COG1: variants seen among roughly 807,000 people sequenced by gnomAD.
COG1 encodes the protein conserved oligomeric Golgi complex subunit 1.
COG1 carries 61 observed loss-of-function variants against 102.2 expected under a neutral mutation model. That is an observed-to-expected ratio of 0.60 (90% CI 0.49 to 0.74). The LOEUF (loss-of-function observed/expected upper bound fraction) is 0.74, where lower values mean the gene tolerates loss of function less well. Ranked by LOEUF, COG1 falls within the 30% of genes least tolerant of loss-of-function variation. The probability of loss-of-function intolerance (pLI) is 0.00; values close to 1 mark genes in which losing one functional copy is unlikely to be tolerated. For missense variants in COG1, 1,164 were observed against 1,232.1 expected, an observed-to-expected ratio of 0.94 and a Z score of 0.83; for synonymous variants, 454 against 493.6, an observed-to-expected ratio of 0.92 and a Z score of 1.06.
intron 4 of COG1, among the ~76,000 whole-genome samples, 195 bp from the exon 5 acceptor site, chr17:73,199,670 G>C (rs2061339053): frequency 1.3e-5 from 2 of 152,082 alleles, no homozygotes; most frequent in African/African-American, 4.8e-5. Flanking sequence ...GACCTCCTGG[G>C]CTCAAATGAT....
chr17:73,197,258 G>T lies in COG1; in HGVS notation c.775G>T (p.Val259Leu), dbSNP rs139304974. The T allele has an allele frequency of 7.1e-4, 1,154 of 1,614,224 alleles. 6 individuals are homozygous for T. In the African/African-American group the frequency reaches 0.014, roughly 20 times the overall value. Residue 259 changes from valine to leucine, a missense_variant, in exon 4 of 14, where the codon GTG becomes TTG. Coordinates refer to ENST00000299886, the MANE Select transcript of COG1 (RefSeq NM_018714.3). ...AGIKAQICSL[V>L]ELLATTLKQA... ...TATCAAGGCTCAGATTTGCTCATTA[G>T]TGGAGTTGCTGGCCACCACTCTGAA...
intron 1 of COG1, 137 bp downstream of exon 1, chr17:73,193,521 C>G: frequency 1.2e-6 from 1 of 813,448 alleles, no homozygotes; most frequent in East Asian, 3.2e-5. Context: ...CTATCCGCCC[C>G]TCACCCTTTG....
intron 4 of COG1, 91 bp downstream of exon 4, chr17:73,197,487 TG>T (rs554803395): frequency 1.1e-5 from 15 of 1,418,956 alleles, no homozygotes; most frequent in Middle Eastern, 3.5e-4. Flanking sequence ...TGCTAGGCTC[TG>T]GGGATGGAGC....
At chr17:73,196,199 T>C (rs562641186) in intron 1 of COG1, among the ~76,000 whole-genome samples, 4 of 152,158 alleles carry the variant, frequency 2.6e-5, no homozygotes, top group Non-Finnish European at 5.9e-5. Context: ...ATTTGTGTCT[T>C]GCCCACATCT....
In COG1 at chr17:73,200,678, A is replaced by C. The variant is rs202127829; in HGVS notation, c.1183A>C (p.Thr395Pro). The C allele has an allele frequency of 5.4e-5, 87 of 1,614,090 alleles. No homozygotes were observed. Among genetic ancestry groups the C allele is most frequent in the Non-Finnish European group, 7.2e-5 (85 of 1,180,020 alleles). ...GTGGGAGTTACTTACCAATGAGTCC[A>C]CCAATCACAGCTGGGATGTGCTATG... Reference protein sequence around the residue: ...AMWELLTNESTNHSWDVLCRR... With the variant: ...AMWELLTNESPNHSWDVLCRR... Residue 395 changes from threonine to proline, a missense_variant, in exon 6 of 14, where the codon ACC (threonine) becomes CCC (proline). Thr to Pro is a conservative substitution (Grantham distance 38, BLOSUM62 -1). Transcript: ENST00000299886.
intron 11 of COG1, among the ~76,000 whole-genome samples, chr17:73,206,493 C>CCAGGCCT (rs1423574381): frequency 6.6e-6 from 1 of 152,120 alleles, no homozygotes; most frequent in African/African-American, 2.4e-5. Flanking sequence ...ACAGTTTTAT[C>CCAGGCCT]CAGGCCTCAG....
At chr17:73,193,793 ATT>A (rs928818431) in intron 1 of COG1, among the ~76,000 whole-genome samples, 4 of 152,036 alleles carry the variant, frequency 2.6e-5, no homozygotes, top group South Asian at 4.1e-4. Flanking sequence ...ACTCCAAGTC[ATT>A]TCTTCCTCAT....
rs777073858 is a variant in COG1 at position 73,208,398 on chromosome 17, A to G, written c.2890A>G (p.Thr964Ala). 9.0e-5 allele frequency: 145 copies of G among 1,614,128 alleles called. No homozygotes were observed. Among genetic ancestry groups the G allele is most frequent in the Non-Finnish European group, 1.2e-4 (137 of 1,180,052 alleles). The change falls in exon 14 of 14, where the codon ACG becomes GCG. Residue 964 changes from threonine (T) to alanine (A), a missense_variant. Transcript: ENST00000299886. ...FRQLVSEEDNTSAPSLFKLGW... is the reference protein window; with the variant it reads ...FRQLVSEEDNASAPSLFKLGW... Reference sequence around the variant, plus strand: ...ACAGCTTGTCAGTGAAGAAGACAACACGTCTGCACCTTCATTATTCAAACT... The same window carrying G: ...ACAGCTTGTCAGTGAAGAAGACAACGCGTCTGCACCTTCATTATTCAAACT...
In COG1 at chr17:73,201,647, A is replaced by G. The variant is rs926229206; in HGVS notation, c.1820A>G (p.Lys607Arg). 3.7e-6 allele frequency: 6 copies of G among 1,614,122 alleles called. No homozygotes were observed. Among genetic ancestry groups the G allele is most frequent in the East Asian group, 4.5e-5 (2 of 44,888 alleles). ...QGQQDALNSA[K>R]LHSVLFMARL... ...CAACAGGATGCCCTCAACAGTGCCA[A>G]GCTGCACTCAGTTCTTTTCATGGCC... is the stretch of plus-strand genomic sequence containing the variant. Residue 607 changes from lysine to arginine, a missense_variant, in exon 7 of 14, where the codon AAG (lysine) becomes AGG (arginine). Physicochemically the swap from Lys to Arg is conservative, Grantham distance 26. Transcript: ENST00000299886.
chr17:73,197,110 T>C, intron 3 of COG1, 29 bp downstream of exon 3: 1 of 1,613,942 alleles, frequency 6.2e-7, no homozygotes, highest in Non-Finnish European at 8.5e-7. Context: ...CAACATTTGG[T>C]CCTTAAATAT....
chr17:73,198,896 C>T (rs561947415), intron 4 of COG1, among the ~76,000 whole-genome samples: 21 of 152,310 alleles, frequency 1.4e-4, no homozygotes, highest in South Asian at 4.1e-4. Flanking sequence ...GTGGTGGCCA[C>T]GTGGCTGTTT....
In COG1 at chr17:73,196,988, C is replaced by T; in HGVS notation, c.649C>T (p.Leu217Phe). 2 of 1,614,220 alleles carry T rather than the reference C, an allele frequency of 1.2e-6. No homozygotes were observed. Among genetic ancestry groups the T allele is most frequent in the Non-Finnish European group, 1.7e-6 (2 of 1,180,046 alleles). ...GGCCGAGGCCCTGTGCTCTATAATG[C>T]TCTTAGAAGAGAGTTCTCCTCGCCA... Reference protein sequence around the residue: ...AVAEALCSIMLLEESSPRQAL... With the variant: ...AVAEALCSIMFLEESSPRQAL... Residue 217 changes from leucine to phenylalanine, a missense_variant, in exon 3 of 14, where the codon CTC becomes TTC. Coordinates refer to ENST00000299886, the MANE Select transcript of COG1 (RefSeq NM_018714.3).
chr17:73,201,940 C>T (rs1299247692), intron 7 of COG1, 40 bp downstream of exon 7: 1 of 1,580,476 alleles, frequency 6.3e-7, no homozygotes, highest in South Asian at 1.1e-5. Context: ...TGTCTCACTT[C>T]TGTCATATTC....
chr17:73,195,769 C>G (rs2061322892), intron 1 of COG1, among the ~76,000 whole-genome samples: 1 of 152,274 alleles, frequency 6.6e-6, no homozygotes, highest in South Asian at 2.1e-4. Flanking sequence ...AAAAATTAGC[C>G]AGGCGTGGCG....
Position 73,203,600 on chromosome 17 carries a change from G to A in COG1, c.2221-32G>A, listed in dbSNP as rs1555725436. The A allele has an allele frequency of 1.9e-6, 3 of 1,613,734 alleles. No homozygotes were observed. In the South Asian group the frequency reaches 3.3e-5, roughly 18 times the overall value. ...ACTGTGTGTCATTTAATTGGTGCAA[G>A]TTGGCAATGTGACATTTCTTTGTTC... On this transcript the variant is annotated intron_variant, in intron 8 of 13. Coordinates refer to ENST00000299886, the MANE Select transcript of COG1 (RefSeq NM_018714.3).
intron 13 of COG1, chr17:73,207,717 TA>T (rs1170268594): frequency 1.3e-5 from 17 of 1,291,902 alleles, no homozygotes; most frequent in Non-Finnish European, 1.7e-5. Context: ...TGCCAACTGT[TA>T]AGCCTGCAGG....
intron 8 of COG1, 36 bp from the exon 9 acceptor site, chr17:73,203,596 G>A: frequency 1.2e-6 from 2 of 1,613,106 alleles, no homozygotes; most frequent in East Asian, 2.2e-5. Context: ...TTTAATTGGT[G>A]CAAGTTGGCA....
At chr17:73,195,034 C>A (rs2061320168) in intron 1 of COG1, among the ~76,000 whole-genome samples, 1 of 152,214 alleles carries the variant, frequency 6.6e-6, no homozygotes, top group Non-Finnish European at 1.5e-5. Flanking sequence ...TCATCCCTCC[C>A]AAAGCTAACA....
At chr17:73,208,261 G>A (rs1568300268) in intron 13 of COG1, 53 bp from the exon 14 acceptor site, 2 of 1,611,018 alleles carry the variant, frequency 1.2e-6, no homozygotes, top group African/African-American at 2.7e-5. Context: ...AGGGCGAGTG[G>A]GCAGGAGGGC....
Sources: allele counts gnomAD v4.1 joint callset (sites outside exome capture counted in the v4.1 genomes callset), GRCh38; gene constraint gnomAD v4.1.1; transcripts MANE v1.5; gene names NCBI Gene and HGNC (gene_info 2026-07-23, HGNC 2026-07-21).